Variants in CNGB3 observed in about 807,000 individuals in gnomAD.
CNGB3 encodes cyclic nucleotide gated channel subunit beta 3.
A neutral mutation model predicts 92.8 loss-of-function variants in CNGB3; 86 were observed. The ratio of observed to expected loss-of-function variants is 0.93; its 90% CI spans 0.78 to 1.11. The LOEUF (loss-of-function observed/expected upper bound fraction) is 1.11. CNGB3 is among the 50% of genes least tolerant of loss of function. The pLI, the probability that CNGB3 is intolerant of heterozygous loss-of-function variation, is 0.00. For missense variants in CNGB3, 1,026 were observed against 956.8 expected (o/e 1.07, Z -0.95); for synonymous variants, 333 against 332.7 (o/e 1.00, Z -0.01).
chr8:86,633,575 T>A (rs900604915), intron 10 of CNGB3, among the ~76,000 whole-genome samples: 4 of 152,210 alleles, frequency 2.6e-5, no homozygotes, highest in Non-Finnish European at 5.9e-5. Context: ...TTCCTATAAC[T>A]TAGAAGCCCT....
At chr8:86,736,040 CA>C (rs1378700119) in intron 2 of CNGB3, among the ~76,000 whole-genome samples, 1 of 152,022 alleles carries the variant, frequency 6.6e-6, no homozygotes. Context: ...TGATTATAAT[CA>C]AAAGAGGACC....
chr8:86,682,505 A>G (rs907351689), intron 3 of CNGB3, among the ~76,000 whole-genome samples: 1 of 152,174 alleles, frequency 6.6e-6, no homozygotes, highest in Non-Finnish European at 1.5e-5. Context: ...CCCAAAACAA[A>G]TATCAGTGTT....
intron 8 of CNGB3, among the ~76,000 whole-genome samples, chr8:86,645,649 A>G (rs1352133892): frequency 6.6e-6 from 1 of 151,330 alleles, no homozygotes; most frequent in Non-Finnish European, 1.5e-5. Context: ...TAAAAATAGT[A>G]TATGTAATAG....
chr8:86,705,524 A>G (rs1824637183), intron 3 of CNGB3, among the ~76,000 whole-genome samples: 1 of 152,102 alleles, frequency 6.6e-6, no homozygotes, highest in Admixed American at 6.6e-5. Context: ...ATTATCCTGG[A>G]TTATCTGGGT....
Position 86,575,700 on chromosome 8 carries a change from C to T in CNGB3, c.*104G>A, listed in dbSNP as rs1421982227. ...TAAGCTAGGGATTTGCCTTTCGTTTCTCAAGGGTCCCAGCATGTCGTTTCC... is the reference window on the plus strand; with the variant it reads ...TAAGCTAGGGATTTGCCTTTCGTTTTTCAAGGGTCCCAGCATGTCGTTTCC... On this transcript the variant is annotated 3_prime_UTR_variant, in exon 18 of 18. Transcript: ENST00000320005. 3 of 1,029,872 alleles carry T rather than the reference C, an allele frequency of 2.9e-6. No homozygotes were observed. The highest frequency in any genetic ancestry group is 2.9e-6 in the Non-Finnish European group (2 of 692,714). 63.8% of individuals were successfully genotyped at this position (1,029,872 alleles called of 1,614,324 possible).
chr8:86,593,764 A>G, intron 15 of CNGB3: 3 of 1,298,266 alleles, frequency 2.3e-6, no homozygotes, highest in Middle Eastern at 2.6e-4. Context: ...TCAGGATGCC[A>G]GGGCAGTACT....
At chr8:86,608,994 G>A (rs1233686479) in intron 14 of CNGB3, among the ~76,000 whole-genome samples, 1 of 151,978 alleles carries the variant, frequency 6.6e-6, no homozygotes, top group African/African-American at 2.4e-5. Flanking sequence ...TCTCATCGCC[G>A]CACACAGGGA....
At chr8:86,587,773 A>G (rs1467286561) in intron 15 of CNGB3, among the ~76,000 whole-genome samples, 4 of 149,880 alleles carry the variant, frequency 2.7e-5, no homozygotes, top group African/African-American at 7.3e-5. Flanking sequence ...AGGTAGTGTG[A>G]TGCCTCCAGC....
chr8:86,613,797 T>C (rs553660909), intron 13 of CNGB3, among the ~76,000 whole-genome samples: 3 of 150,964 alleles, frequency 2.0e-5, no homozygotes, highest in African/African-American at 7.3e-5. Context: ...TTCCCAACTA[T>C]ATTAAGTTAT....
intron 3 of CNGB3, among the ~76,000 whole-genome samples, chr8:86,672,634 A>G (rs985950965): frequency 2.6e-5 from 4 of 152,088 alleles, no homozygotes; most frequent in Non-Finnish European, 4.4e-5. Flanking sequence ...TGGGGTTCAC[A>G]GCGCATCTGG....
At chr8:86,683,467 A>C (rs1331789450) in intron 3 of CNGB3, among the ~76,000 whole-genome samples, 1 of 152,212 alleles carries the variant, frequency 6.6e-6, no homozygotes, top group African/African-American at 2.4e-5. Flanking sequence ...AGGTGAAATT[A>C]AACAAATTGC....
At chr8:86,655,467 A>G (rs1038419790) in intron 6 of CNGB3, among the ~76,000 whole-genome samples, 4 of 152,178 alleles carry the variant, frequency 2.6e-5, no homozygotes, top group African/African-American at 9.6e-5. Flanking sequence ...GCCTTTGCCC[A>G]TGCTGTCCCA....
chr8:86,665,873 G>A (rs754456302), intron 6 of CNGB3, among the ~76,000 whole-genome samples: 2 of 152,118 alleles, frequency 1.3e-5, no homozygotes, highest in African/African-American at 2.4e-5. Flanking sequence ...ACCTGTATGT[G>A]TATCTCCTGA....
In CNGB3 at chr8:86,575,838, AG is replaced by A. The variant is rs753199958; in HGVS notation, c.2395del (p.Thr800LeufsTer29). The A allele has an allele frequency of 5.0e-6, 8 of 1,613,762 alleles. No individual in the cohort carries two copies. The highest frequency in any genetic ancestry group is 6.8e-6 in the Non-Finnish European group (8 of 1,179,942). On this transcript the variant is annotated frameshift_variant, in exon 18 of 18. Coordinates refer to ENST00000320005, the MANE Select transcript of CNGB3 (RefSeq NM_019098.5). LOFTEE classifies it high-confidence loss of function. ...AGCCTTTTCTTTGACTTCAATAGTA[AG>A]AACCTCTTCTCCGCCCTCAGCAGAA... The part of the protein sequence containing the change: ...APSAEGGEEV[L>X]TIEVKEKAKQ
intron 3 of CNGB3, among the ~76,000 whole-genome samples, chr8:86,725,058 C>G (rs1825037258): frequency 6.6e-6 from 1 of 152,102 alleles, no homozygotes; most frequent in Non-Finnish European, 1.5e-5. Flanking sequence ...GTAAGAAATA[C>G]TAGGAATGAA....
intron 15 of CNGB3, among the ~76,000 whole-genome samples, chr8:86,590,867 C>G (rs956487748): frequency 6.6e-6 from 1 of 150,952 alleles, no homozygotes; most frequent in African/African-American, 2.4e-5. Context: ...TCTGTATTTC[C>G]TGAATCTGAA....
intron 2 of CNGB3, among the ~76,000 whole-genome samples, chr8:86,732,267 G>A (rs1241231423): frequency 6.6e-6 from 1 of 152,192 alleles, no homozygotes; most frequent in African/African-American, 2.4e-5. Context: ...ATGCAGGAAT[G>A]GTTACCCATC....
chr8:86,578,944 C>T, intron 16 of CNGB3, 81 bp from the exon 17 acceptor site: 1 of 1,580,506 alleles, frequency 6.3e-7, no homozygotes, highest in South Asian at 1.1e-5. Flanking sequence ...GCAATTTATC[C>T]TAACCTGTGT....
At chr8:86,589,862 G>A (rs939155129) in intron 15 of CNGB3, among the ~76,000 whole-genome samples, 7 of 151,972 alleles carry the variant, frequency 4.6e-5, no homozygotes, top group Admixed American at 2.0e-4. Context: ...GGTCTGCTTG[G>A]TGCAGAGCTG....
Sources: gnomAD v4.1 joint callset for allele counts (sites outside exome capture counted in the v4.1 genomes callset) on GRCh38, gnomAD v4.1.1 for gene constraint, MANE v1.5 for transcripts, NCBI Gene and HGNC (gene_info 2026-07-23, HGNC 2026-07-21) for gene names.